The following PDGFB variants were observed in gnomAD, a reference collection of about 807,000 sequenced individuals.
The protein encoded by PDGFB is platelet derived growth factor subunit B.
A neutral mutation model predicts 29.0 loss-of-function variants in PDGFB; 6 were observed. The ratio of observed to expected loss-of-function variants is 0.21; its 90% confidence interval spans 0.11 to 0.41. The LOEUF (loss-of-function observed/expected upper bound fraction) is 0.41. PDGFB is among the 10% of genes least tolerant of loss of function. PDGFB has a pLI of 1.00. For synonymous variants in PDGFB, 144 were observed against 140.8 expected (o/e 1.02, Z -0.16); for missense variants, 299 against 341.8 (o/e 0.87, Z 0.99).
intron 5 of PDGFB, 91 bp from the exon 6 acceptor site, chr22:39,225,938 TCA>T: frequency 1.4e-6 from 2 of 1,444,692 alleles, no homozygotes; most frequent in African/African-American, 2.8e-5. Flanking sequence ...CCTTCTGGGC[TCA>T]GGAAAGGGAC....
In PDGFB at chr22:39,244,009, A is replaced by AG. The variant is rs1932634381; in HGVS notation, c.-47dup. 1 of 841,398 alleles carries AG rather than the reference A, an allele frequency of 1.2e-6. No individual in the cohort carries two copies. Among genetic ancestry groups the AG allele is most frequent in the African/African-American group, 2.0e-5 (1 of 49,146 alleles). 52.1% of individuals were successfully genotyped at this position (841,398 alleles called of 1,614,324 possible). ...CGCGGGGCCCCGGACGCGTAGATCG[A>AG]GCGCGCCGCCCCCGCGGCCAGGGTG... On this transcript the variant is annotated 5_prime_UTR_variant, in exon 1 of 7. Coordinates refer to ENST00000331163, the MANE Select transcript of PDGFB (RefSeq NM_002608.4). The surrounding 1 kb of genome is among the most constrained non-coding windows in gnomAD (Gnocchi z 4.5).
rs1355709982 is a variant in PDGFB at position 39,242,184 on chromosome 22, G to A, written c.63+1717C>T. ...GCGCGCGTGTGTCCCGCGTGTGCAC[G>A]GGCGTGGCAGAGGCGGGCGCGCGAC... On this transcript the variant is annotated intron_variant, in intron 1 of 6. Coordinates refer to ENST00000331163, the MANE Select transcript of PDGFB (RefSeq NM_002608.4). This position sits in a 1 kb window ranked among gnomAD's most constrained non-coding sequence, Gnocchi z 5.7. 1 of 218,488 alleles carries A rather than the reference G, an allele frequency of 4.6e-6. No individual in the cohort carries two copies. Among genetic ancestry groups the A allele is most frequent in the Admixed American group, 5.8e-5 (1 of 17,208 alleles). 13.5% of individuals were successfully genotyped at this position (218,488 alleles called of 1,614,324 possible). A position where few individuals can be genotyped will look rare whatever the true frequency, so the allele number is the denominator to read the frequency against.
chr22:39,228,893 A>AAAAAAAAAAAAAAAAAAAAT (rs1184799325), intron 5 of PDGFB, among the ~76,000 whole-genome samples: 1 of 132,520 alleles, frequency 7.5e-6, no homozygotes. Flanking sequence ...CCTCAAAAAA[A>AAAAAAAAAAAAAAAAAAAAT]ATATATATAT....
chr22:39,235,118 A>G (rs972955195), intron 2 of PDGFB, among the ~76,000 whole-genome samples: 1 of 152,222 alleles, frequency 6.6e-6, no homozygotes, highest in Non-Finnish European at 1.5e-5. Context: ...TCCCCCGTAG[A>G]TAGCGTCTGG....
chr22:39,232,227 G>A (rs1015927848), intron 3 of PDGFB, among the ~76,000 whole-genome samples: 2 of 152,222 alleles, frequency 1.3e-5, no homozygotes, highest in African/African-American at 4.8e-5. Context: ...ATATTAGCTC[G>A]AAACCACGCG....
chr22:39,227,809 C>T (rs753833913), intron 5 of PDGFB, among the ~76,000 whole-genome samples: 13 of 152,174 alleles, frequency 8.5e-5, no homozygotes, highest in Non-Finnish European at 1.8e-4. Flanking sequence ...CCCAGCCTAC[C>T]GGGATCTGAC....
In PDGFB at chr22:39,243,252, G is replaced by GTCTCTCTCTCTCTC. The variant is rs79409466; in HGVS notation, c.63+635_63+648dup. 7.0e-6 allele frequency among the ~76,000 whole-genome samples: 1 copy of GTCTCTCTCTCTCTC among 143,794 alleles called. No homozygotes were observed. The highest frequency in any genetic ancestry group is 2.7e-5 in the African/African-American group (1 of 36,802). The allele number at this position is 143,794 out of a possible 152,430, so 94.3% of individuals were successfully genotyped here. A position where few individuals can be genotyped will look rare whatever the true frequency, so the allele number is the denominator to read the frequency against. On this transcript the variant is annotated intron_variant, in intron 1 of 6. Transcript: ENST00000331163. This position sits in a 1 kb window ranked among gnomAD's most constrained non-coding sequence, Gnocchi z 6.4. ...CCTCTCTCTCTCCGTCTCTCTCTCC[G>GTCTCTCTCTCTCTC]TCTCTCTCTCTCTCTCTCTCTTTCT...
At chr22:39,240,879 A>G in intron 1 of PDGFB, 1 of 1,612,916 alleles carries the variant, frequency 6.2e-7, no homozygotes, top group African/African-American at 1.3e-5. Flanking sequence ...ACATCTCACC[A>G]TTCCTGCTCA....
chr22:39,237,365 T>C (rs1018270288), intron 1 of PDGFB, among the ~76,000 whole-genome samples: 13 of 152,130 alleles, frequency 8.5e-5, no homozygotes, highest in African/African-American at 3.1e-4. Context: ...ATGTCTTTGT[T>C]TGAACATGGA....
intron 5 of PDGFB, among the ~76,000 whole-genome samples, chr22:39,227,716 G>T (rs1301593816): frequency 1.3e-5 from 2 of 152,198 alleles, no homozygotes; most frequent in Admixed American, 1.3e-4. Flanking sequence ...CTCCGTCCTG[G>T]ATTCCCAGGT....
Position 39,241,592 on chromosome 22 carries a change from A to G in PDGFB, c.63+2309T>C, listed in dbSNP as rs192501021. Among the ~76,000 whole-genome samples, 33 of 152,360 alleles carry G rather than the reference A, an allele frequency of 2.2e-4. No individual in the cohort carries two copies. The East Asian group carries it at 5.2e-3, about 24-fold the overall frequency. Reference sequence around the variant, plus strand: ...ACGAGCCCGTGGAGCTGTGGGAAAGAAGGAGGAGGTGCTGGACGAAGCTGG... The same window carrying G: ...ACGAGCCCGTGGAGCTGTGGGAAAGGAGGAGGAGGTGCTGGACGAAGCTGG... On this transcript the variant is annotated intron_variant, in intron 1 of 6. Transcript: ENST00000331163.
chr22:39,240,741 C>T (rs1372333647), intron 1 of PDGFB: 1 of 1,253,632 alleles, frequency 8.0e-7, no homozygotes, highest in Non-Finnish European at 1.2e-6. Flanking sequence ...GGTTGACACT[C>T]CAGTAGAGAA....
chr22:39,230,677 A>C (rs534346617), intron 4 of PDGFB, among the ~76,000 whole-genome samples: 1 of 152,354 alleles, frequency 6.6e-6, no homozygotes, highest in Admixed American at 6.5e-5. Flanking sequence ...CATCGAGGAC[A>C]GGAGATACCA....
intron 4 of PDGFB, among the ~76,000 whole-genome samples, chr22:39,230,551 G>C (rs2146437337): frequency 6.6e-6 from 1 of 152,386 alleles, no homozygotes; most frequent in Non-Finnish European, 1.5e-5. Flanking sequence ...GCCAAGGTCA[G>C]GGCTGCGGCA....
At chr22:39,226,947 C>T (rs1287573961) in intron 5 of PDGFB, among the ~76,000 whole-genome samples, 1 of 152,194 alleles carries the variant, frequency 6.6e-6, no homozygotes, top group African/African-American at 2.4e-5. Context: ...CCCTGTGCCT[C>T]GATTTCCGCA....
chr22:39,243,874 C>T lies in PDGFB; in HGVS notation c.63+27G>A. ...GGGGGCGAAGGTAATGAATGAAGAA[C>T]CAGCCCCAGCCGCCGTGGCAACTCA... On this transcript the variant is annotated intron_variant, in intron 1 of 6. Transcript: ENST00000331163. The surrounding 1 kb of genome is among the most constrained non-coding windows in gnomAD (Gnocchi z 6.4). 1 of 1,586,282 alleles carries T rather than the reference C, an allele frequency of 6.3e-7. No homozygotes were observed. The highest frequency in any genetic ancestry group is 8.6e-7 in the Non-Finnish European group (1 of 1,163,838).
intron 1 of PDGFB, chr22:39,240,776 A>C: frequency 6.6e-6 from 10 of 1,511,970 alleles, no homozygotes; most frequent in Non-Finnish European, 9.2e-6. Context: ...AATGAAATAA[A>C]CCAGAACATA....
intron 5 of PDGFB, among the ~76,000 whole-genome samples, chr22:39,229,143 A>G (rs1932237768): frequency 6.6e-6 from 1 of 152,176 alleles, no homozygotes; most frequent in Non-Finnish European, 1.5e-5. Flanking sequence ...TTACTGAAAA[A>G]GAACTATCAC....
At chr22:39,240,968 C>G (rs1248388236) in intron 1 of PDGFB, 4 of 1,352,736 alleles carry the variant, frequency 3.0e-6, no homozygotes, top group African/African-American at 1.4e-5. Flanking sequence ...CTTCCTGGCT[C>G]TTGCACCAGA....
Sources: gnomAD v4.1 joint callset for allele counts (sites outside exome capture counted in the v4.1 genomes callset) on GRCh38, gnomAD v4.1.1 for gene constraint, Gnocchi (gnomAD v3.1) non-coding constraint, MANE v1.5 for transcripts, NCBI Gene and HGNC (gene_info 2026-07-23, HGNC 2026-07-21) for gene names.